RAB37: variants seen among roughly 807,000 people sequenced by gnomAD.
RAB37 encodes ras-related protein Rab-37.
In RAB37, 29 loss-of-function variants were observed where a neutral mutation model predicts 33.1. That is an observed-to-expected ratio of 0.88 (90% CI 0.65 to 1.20). The LOEUF is 1.20. Ranked by LOEUF, RAB37 falls within the 50% of genes most tolerant of loss-of-function variation. The pLI, the probability that RAB37 is intolerant of heterozygous loss-of-function variation, is 0.00. For synonymous variants in RAB37, 128 were observed against 119.5 expected, an observed-to-expected ratio of 1.07 and a Z score of -0.47; for missense variants, 299 against 301.1, an observed-to-expected ratio of 0.99 and a Z score of 0.05.
intron 1 of RAB37, among the ~76,000 whole-genome samples, chr17:74,701,225 A>T (rs2143695792): frequency 6.6e-6 from 1 of 152,374 alleles, no homozygotes; most frequent in East Asian, 1.9e-4. Context: ...GAAATTCATC[A>T]GTCAATTAAT....
At chr17:74,722,486 G>A (rs1234579840) in intron 1 of RAB37, among the ~76,000 whole-genome samples, 1 of 152,074 alleles carries the variant, frequency 6.6e-6, no homozygotes, top group African/African-American at 2.4e-5. Flanking sequence ...ATTAATCAGA[G>A]GACACTCACC....
upstream of RAB37, among the ~76,000 whole-genome samples, chr17:74,733,078 T>C (rs987077578): frequency 6.6e-6 from 1 of 151,774 alleles, no homozygotes; most frequent in African/African-American, 2.4e-5. Context: ...ATGGGGTCCA[T>C]TGGAGAGGCA....
In RAB37 at chr17:74,742,287, A is replaced by C. The variant is rs772822712; in HGVS notation, c.238A>C (p.Lys80Gln). The part of the protein sequence containing the change: ...KVVTVDGVRV[K>Q]LQIWDTAGQE... ...GGTGACTGTGGATGGCGTGAGAGTG[A>C]AGCTGCAGGTGAGACCAGAGGCTGG... Residue 80 changes from lysine (K) to glutamine (Q), a missense_variant, in exon 3 of 9, where the codon AAG becomes CAG. By Grantham distance (53) the Lys-to-Gln change is moderately conservative. Transcript: ENST00000392613. The surrounding 1 kb of genome is among the most constrained non-coding windows in gnomAD (Gnocchi z 4.0). 45 of 1,612,974 alleles carry C rather than the reference A, an allele frequency of 2.8e-5. No homozygotes were observed. Among genetic ancestry groups the C allele is most frequent in the Non-Finnish European group, 3.8e-5 (45 of 1,179,358 alleles).
chr17:74,675,287 T>C (rs1349507522), intron 1 of RAB37, among the ~76,000 whole-genome samples: 1 of 151,860 alleles, frequency 6.6e-6, no homozygotes, highest in Non-Finnish European at 1.5e-5. Flanking sequence ...ATACAAAAAT[T>C]AGCCGGGGGT....
intron 2 of RAB37, among the ~76,000 whole-genome samples, chr17:74,731,066 C>T (rs1031922658): frequency 1.3e-5 from 2 of 152,222 alleles, no homozygotes; most frequent in Admixed American, 6.5e-5. Context: ...TGCCTGCTTA[C>T]GCTGAGTGAG....
At chr17:74,711,382 G>A (rs1224015612) in intron 1 of RAB37, among the ~76,000 whole-genome samples, 2 of 152,114 alleles carry the variant, frequency 1.3e-5, no homozygotes, top group African/African-American at 4.8e-5. Context: ...AGCCATACCT[G>A]TCCTGGTCTC....
chr17:74,683,337 G>A (rs1310670837), intron 1 of RAB37, among the ~76,000 whole-genome samples: 1 of 152,138 alleles, frequency 6.6e-6, no homozygotes, highest in Admixed American at 6.5e-5. Flanking sequence ...GGAAGCTGAC[G>A]GAGCTCAGAC....
At chr17:74,716,584 T>C (rs762949521) in intron 1 of RAB37, among the ~76,000 whole-genome samples, 21 of 152,126 alleles carry the variant, frequency 1.4e-4, no homozygotes, top group Non-Finnish European at 1.9e-4. Context: ...TCAAAGAAAT[T>C]GAGACGCAGA....
At chr17:74,680,679 A>G (rs1382431361) in intron 1 of RAB37, among the ~76,000 whole-genome samples, 3 of 151,924 alleles carry the variant, frequency 2.0e-5, no homozygotes, top group Admixed American at 2.0e-4. Flanking sequence ...CTTGGGCCGG[A>G]CAGTCATTCT....
intron 1 of RAB37, among the ~76,000 whole-genome samples, chr17:74,724,974 G>A (rs1040897471): frequency 1.3e-5 from 2 of 152,134 alleles, no homozygotes; most frequent in African/African-American, 4.8e-5. Flanking sequence ...CCTAACATTT[G>A]GGGGCCAGGG....
In RAB37 at chr17:74,671,732, ACTTTG is replaced by A; in HGVS notation, c.72+80_72+84del. ...ACCAGGAGTTTTCTCCACTCCCCTG[ACTTTG>A]CTTTGGGACTTAATGAGAAACTAGC... On this transcript the variant is annotated intron_variant, in intron 1 of 7. Transcript: ENST00000340415. The surrounding 1 kb of genome is among the most constrained non-coding windows in gnomAD (Gnocchi z 5.0). 2.9e-6 allele frequency: 4 copies of A among 1,366,868 alleles called. No homozygotes were observed. The highest frequency in any genetic ancestry group is 4.2e-6 in the Non-Finnish European group (4 of 959,314). 84.7% of individuals were successfully genotyped at this position (1,366,868 alleles called of 1,614,324 possible).
chr17:74,712,845 G>A (rs952605670), intron 1 of RAB37: 3 of 1,614,076 alleles, frequency 1.9e-6, no homozygotes, highest in Non-Finnish European at 2.5e-6. Context: ...AAGAGGAGCA[G>A]GTAGAGTGTC....
Position 74,745,319 on chromosome 17 carries a change from CG to C in RAB37, c.583del (p.Ala195ProfsTer16), listed in dbSNP as rs1567817543. The C allele has an allele frequency of 6.2e-7, 1 of 1,614,026 alleles. No homozygotes were observed. The highest frequency in any genetic ancestry group is 2.2e-5 in the East Asian group (1 of 44,876). On this transcript the variant is annotated frameshift_variant, in exon 9 of 9. Coordinates refer to ENST00000392613, the MANE Select transcript of RAB37 (RefSeq NM_001006638.3). LOFTEE classifies it high-confidence loss of function. This position sits in a 1 kb window ranked among gnomAD's most constrained non-coding sequence, Gnocchi z 4.5. Reference sequence around the variant, plus strand: ...CTCTTCTTCAAGGGAACTGAAATACCGGGCCGGGCATCAGGCGGATGAGCCC... The same window carrying C: ...CTCTTCTTCAAGGGAACTGAAATACCGGCCGGGCATCAGGCGGATGAGCCC... ...FLAIAKELKY[R>X]AGHQADEPSF...
At chr17:74,680,124 C>A (rs539987186) in intron 1 of RAB37, among the ~76,000 whole-genome samples, 1 of 152,156 alleles carries the variant, frequency 6.6e-6, no homozygotes, top group East Asian at 1.9e-4. Flanking sequence ...CATCTCTTAA[C>A]TCACTTAATC....
In RAB37 at chr17:74,744,281, G is replaced by A. The variant is rs757816392; in HGVS notation, c.367-27G>A. On this transcript the variant is annotated intron_variant, in intron 5 of 8. Coordinates refer to ENST00000392613, the MANE Select transcript of RAB37 (RefSeq NM_001006638.3). This position sits in a 1 kb window ranked among gnomAD's most constrained non-coding sequence, Gnocchi z 4.2. ...AAAGGGGCAGCAGGAGGAAGAGAAT[G>A]CCAGTCTCGCACGCCCTCTCCCACA... 2 of 1,605,250 alleles carry A rather than the reference G, an allele frequency of 1.2e-6. No individual in the cohort carries two copies. Among genetic ancestry groups the A allele is most frequent in the Non-Finnish European group, 1.7e-6 (2 of 1,174,146 alleles).
chr17:74,722,904 C>T (rs2034260274), intron 1 of RAB37, among the ~76,000 whole-genome samples: 1 of 152,164 alleles, frequency 6.6e-6, no homozygotes. Flanking sequence ...CTTTAGGAGC[C>T]ATGGTAACCA....
rs2034708560 is a variant in RAB37, at chr17:74,744,702, C to G, written c.433-171C>G. ...CAAGACCCTTTACCAAAGGTGAGATCCCAGAGCTGGGAGCTACACTGGGCA... is the reference window on the plus strand; with the variant it reads ...CAAGACCCTTTACCAAAGGTGAGATGCCAGAGCTGGGAGCTACACTGGGCA... On this transcript the variant is annotated intron_variant, in intron 6 of 8. Transcript: ENST00000392613. This position sits in a 1 kb window ranked among gnomAD's most constrained non-coding sequence, Gnocchi z 4.2. 5.3e-6 allele frequency: 4 copies of G among 750,648 alleles called. No individual in the cohort carries two copies. Among genetic ancestry groups the G allele is most frequent in the Non-Finnish European group, 6.8e-6 (3 of 443,264 alleles). 46.5% of individuals were successfully genotyped at this position (750,648 alleles called of 1,614,324 possible).
chr17:74,719,676 C>T (rs2034213141), intron 1 of RAB37, among the ~76,000 whole-genome samples: 3 of 151,832 alleles, frequency 2.0e-5, no homozygotes, highest in Admixed American at 2.0e-4. Flanking sequence ...CACCACCAAG[C>T]CCAGCTTATT....
At chr17:74,711,715 G>A (rs1161399480) in intron 1 of RAB37, among the ~76,000 whole-genome samples, 2 of 151,964 alleles carry the variant, frequency 1.3e-5, no homozygotes, top group African/African-American at 4.8e-5. Context: ...CTTTTCCTAG[G>A]TCTCGGCTCG....
Sources: gnomAD v4.1 joint callset for allele counts (sites outside exome capture counted in the v4.1 genomes callset) on GRCh38, gnomAD v4.1.1 for gene constraint, Gnocchi (gnomAD v3.1) non-coding constraint, MANE v1.5 for transcripts, NCBI Gene and HGNC (gene_info 2026-07-23, HGNC 2026-07-21) for gene names.